UBE2E2: variants seen among roughly 807,000 people sequenced by gnomAD.
The protein encoded by UBE2E2 is ubiquitin conjugating enzyme E2 E2.
UBE2E2 carries 6 observed loss-of-function variants against 24.7 expected under a neutral mutation model. The ratio of observed to expected loss-of-function variants is 0.24; its 90% CI spans 0.13 to 0.48. The LOEUF (loss-of-function observed/expected upper bound fraction) is 0.48, where lower values mean the gene tolerates loss of function less well. Among genes scored for constraint, UBE2E2 ranks in the 20% least tolerant of loss-of-function variants. UBE2E2 has a pLI of 0.99. For missense variants in UBE2E2, 169 were observed against 245.0 expected (o/e 0.69, Z 2.07); for synonymous variants, 104 against 83.6 (o/e 1.24, Z -1.33).
intron 3 of UBE2E2, among the ~76,000 whole-genome samples, chr3:23,382,415 CG>C (rs1340497546): frequency 6.6e-6 from 1 of 152,000 alleles, no homozygotes; most frequent in African/African-American, 2.4e-5. Flanking sequence ...CTCCCAACCT[CG>C]GGTAATCCGC....
intron 5 of UBE2E2, among the ~76,000 whole-genome samples, chr3:23,537,162 G>T (rs1021722934): frequency 6.6e-6 from 1 of 152,146 alleles, no homozygotes; most frequent in Admixed American, 6.6e-5. Flanking sequence ...TCTGACCCTG[G>T]CTTGTGTATT....
intron 3 of UBE2E2, among the ~76,000 whole-genome samples, chr3:23,414,800 C>G (rs937316827): frequency 6.6e-6 from 1 of 152,180 alleles, no homozygotes; most frequent in Non-Finnish European, 1.5e-5. Flanking sequence ...GCTTGTTTGT[C>G]TCTTCCACCA....
chr3:23,356,022 AT>A (rs1197465239), intron 3 of UBE2E2, among the ~76,000 whole-genome samples: 9 of 152,206 alleles, frequency 5.9e-5, no homozygotes, highest in Admixed American at 5.2e-4. Context: ...AGAAATACAG[AT>A]CTGATGAGTT....
intron 5 of UBE2E2, among the ~76,000 whole-genome samples, chr3:23,543,201 C>T (rs1695435005): frequency 6.6e-6 from 1 of 152,098 alleles, no homozygotes; most frequent in African/African-American, 2.4e-5. Context: ...TACCAGAAGT[C>T]CTAGCCAGAA....
At chr3:23,325,033 A>G (rs1694845303) in intron 3 of UBE2E2, among the ~76,000 whole-genome samples, 1 of 152,194 alleles carries the variant, frequency 6.6e-6, no homozygotes, top group South Asian at 2.1e-4. Context: ...ACTAGTCCTA[A>G]TGAAAACTAG....
chr3:23,415,631 G>A (rs2125385714), intron 3 of UBE2E2, among the ~76,000 whole-genome samples: 1 of 152,282 alleles, frequency 6.6e-6, no homozygotes, highest in Middle Eastern at 3.4e-3. Flanking sequence ...TACAGGTGAT[G>A]TACATCTAAA....
chr3:23,256,765 A>G (rs752388625), intron 3 of UBE2E2, among the ~76,000 whole-genome samples: 2 of 152,188 alleles, frequency 1.3e-5, no homozygotes, highest in South Asian at 4.1e-4. Context: ...AGCTTTATCT[A>G]CTTATCTCTA....
intron 3 of UBE2E2, among the ~76,000 whole-genome samples, chr3:23,421,574 T>C: frequency 6.6e-6 from 1 of 152,108 alleles, no homozygotes; most frequent in East Asian, 1.9e-4. Flanking sequence ...TCCTAGCTAA[T>C]TTTTTGTATT....
intron 2 of UBE2E2, among the ~76,000 whole-genome samples, chr3:23,209,974 T>C (rs947301661): frequency 2.6e-5 from 4 of 152,058 alleles, no homozygotes; most frequent in African/African-American, 9.7e-5. Flanking sequence ...TAGACCATGC[T>C]AGGGTGGGGA....
At position 23,571,280 on chromosome 3, in the gene UBE2E2, CTTTTTTTTTTTTTT is replaced by C. The variant is rs59243406; in HGVS notation, c.509-18440_509-18427del. On this transcript the variant is annotated intron_variant, in intron 5 of 5. Transcript: ENST00000396703. ...AGTCCCCTCACCTGTGTGCTCCTTT[CTTTTTTTTTTTTTT>C]TTTTTTTTTTTTTGAGACAGAGTCT... Among the ~76,000 whole-genome samples the C allele has an allele frequency of 3.0e-4, 9 of 29,882 alleles. 1 individual carries two copies. The highest frequency in any genetic ancestry group is 4.5e-3 in the South Asian group (2 of 440). 19.6% of individuals were successfully genotyped at this position (29,882 alleles called of 152,430 possible).
rs191971367 is a variant in UBE2E2, at chr3:23,493,620, C to A, written c.228-5988C>A. 3.9e-5 allele frequency among the ~76,000 whole-genome samples: 6 copies of A among 152,136 alleles called. No homozygotes were observed. In the East Asian group the frequency reaches 7.7e-4, roughly 20 times the overall value. On this transcript the variant is annotated intron_variant, in intron 3 of 5. Coordinates refer to ENST00000396703, the MANE Select transcript of UBE2E2 (RefSeq NM_152653.4). ...CAAGTGGGAAAACATTACTTAATAA[C>A]CTAATACCTGAAAATCCTGTTGTTA...
At chr3:23,552,820 C>T (rs1243361795) in intron 5 of UBE2E2, among the ~76,000 whole-genome samples, 2 of 152,180 alleles carry the variant, frequency 1.3e-5, no homozygotes, top group East Asian at 1.9e-4. Context: ...ATTGCCATAA[C>T]TCATTCAGAA....
intron 5 of UBE2E2, among the ~76,000 whole-genome samples, chr3:23,575,818 A>G (rs1696334041): frequency 6.6e-6 from 1 of 152,196 alleles, no homozygotes. Context: ...TAGTTCTAAC[A>G]GCAAAAAATC....
At chr3:23,327,086 G>C (rs563235419) in intron 3 of UBE2E2, among the ~76,000 whole-genome samples, 2 of 152,234 alleles carry the variant, frequency 1.3e-5, no homozygotes, top group Non-Finnish European at 2.9e-5. Flanking sequence ...TTGGACATTT[G>C]GGTTGGTTCC....
intron 3 of UBE2E2, among the ~76,000 whole-genome samples, chr3:23,252,045 T>C (rs1420698547): frequency 6.6e-6 from 1 of 152,220 alleles, no homozygotes; most frequent in Non-Finnish European, 1.5e-5. Context: ...ATATTTTTGA[T>C]TGTAGTAAGC....
Position 23,208,725 on chromosome 3 carries a change from A to C in UBE2E2, c.26A>C (p.Asp9Ala). 6.2e-7 allele frequency: 1 copy of C among 1,612,356 alleles called. No homozygotes were observed. The highest frequency in any genetic ancestry group is 1.1e-5 in the South Asian group (1 of 90,626). Residue 9 changes from aspartate to alanine, a missense_variant, in exon 2 of 6, where the codon GAT (aspartate) becomes GCT (alanine). This residue lies in a region of UBE2E2 where 64 missense variants were observed against 64.3 expected (regional missense o/e 1.00). Transcript: ENST00000396703. MSTEAQRV[D>A]DSPSTSGGSS... ...ATGTCCACTGAGGCACAAAGAGTTGATGACAGTCCAAGCACTAGTGGAGGA... is the reference window on the plus strand; with the variant it reads ...ATGTCCACTGAGGCACAAAGAGTTGCTGACAGTCCAAGCACTAGTGGAGGA...
chr3:23,253,933 TC>T lies in UBE2E2; in HGVS notation c.227+36622del, dbSNP rs368141874. On this transcript the variant is annotated intron_variant, in intron 3 of 5. Coordinates refer to ENST00000396703, the MANE Select transcript of UBE2E2 (RefSeq NM_152653.4). Reference sequence around the variant, plus strand: ...TGCAGGTGATCTTTCTTCTGACCTCTCTCAAATAGGGTATATTAATTTTAAA... The same window carrying T: ...TGCAGGTGATCTTTCTTCTGACCTCTTCAAATAGGGTATATTAATTTTAAA... Among the ~76,000 whole-genome samples, 196 of 152,322 alleles carry T rather than the reference TC, an allele frequency of 1.3e-3. 10 individuals carry two copies. The South Asian group carries it at 0.04, about 31-fold the overall frequency.
At chr3:23,305,408 TG>T (rs1699214980) in intron 3 of UBE2E2, among the ~76,000 whole-genome samples, 1 of 152,204 alleles carries the variant, frequency 6.6e-6, no homozygotes, top group South Asian at 2.1e-4. Flanking sequence ...CAAGAACAAG[TG>T]AAGCTGAATT....
intron 3 of UBE2E2, among the ~76,000 whole-genome samples, chr3:23,387,799 A>T (rs976010510): frequency 3.3e-5 from 5 of 152,182 alleles, no homozygotes; most frequent in Admixed American, 2.6e-4. Flanking sequence ...TGATACCCTC[A>T]TTGTCTCTGG....
Sources: gnomAD v4.1 joint callset for allele counts (sites outside exome capture counted in the v4.1 genomes callset) on GRCh38, gnomAD v4.1.1 for gene constraint, gnomAD v4.1.1 regional missense constraint, MANE v1.5 for transcripts, NCBI Gene and HGNC (gene_info 2026-07-23, HGNC 2026-07-21) for gene names.